The following EFNA5 variants were observed in gnomAD, a reference collection of about 807,000 sequenced individuals.
The protein encoded by EFNA5 is ephrin A5.
A neutral mutation model predicts 22.9 loss-of-function variants in EFNA5; 5 were observed. The observed-to-expected ratio is 0.22, with a 90% CI of 0.11 to 0.46. The LOEUF is 0.46. Among genes scored for constraint, EFNA5 ranks in the 20% least tolerant of loss-of-function variants. The probability of loss-of-function intolerance (pLI) is 0.99; values close to 1 mark genes in which losing one functional copy is unlikely to be tolerated. For synonymous variants in EFNA5, 113 were observed against 112.2 expected (o/e 1.01, Z -0.04); for missense variants, 237 against 293.3 (o/e 0.81, Z 1.40).
intron 2 of EFNA5, among the ~76,000 whole-genome samples, chr5:107,401,247 C>T (rs1580426464): frequency 6.6e-6 from 1 of 152,130 alleles, no homozygotes; most frequent in Admixed American, 6.5e-5. Flanking sequence ...ACATGTCACA[C>T]AAATAGGAAG....
At chr5:107,649,889 CAG>C in intron 1 of EFNA5, among the ~76,000 whole-genome samples, 1 of 152,116 alleles carries the variant, frequency 6.6e-6, no homozygotes, top group Non-Finnish European at 1.5e-5. Context: ...AAAGATGAAA[CAG>C]GGAATGATTA....
chr5:107,562,586 A>G (rs1748574415), intron 1 of EFNA5, among the ~76,000 whole-genome samples: 1 of 152,168 alleles, frequency 6.6e-6, no homozygotes, highest in African/African-American at 2.4e-5. Context: ...AAAAAAAACT[A>G]GAATTAGACA....
rs866065025 is a variant in EFNA5 at position 107,382,991 on chromosome 5, T to A, written c.566-1615A>T. Among the ~76,000 whole-genome samples the A allele has an allele frequency of 2.6e-5, 4 of 152,316 alleles. No homozygotes were observed. In the South Asian group the frequency reaches 6.2e-4, roughly 24 times the overall value. ...ATAAGGGTGCTTTTCCTTCACTGGG[T>A]AGAATCACACTCGCTAATATTTGTC... On this transcript the variant is annotated intron_variant, in intron 4 of 4. Transcript: ENST00000333274.
intron 1 of EFNA5, among the ~76,000 whole-genome samples, chr5:107,571,139 G>T (rs1748794760): frequency 6.6e-6 from 1 of 152,206 alleles, no homozygotes; most frequent in African/African-American, 2.4e-5. Context: ...CTGTGAGCGA[G>T]TGGGGGAAGA....
At chr5:107,655,830 G>A (rs1167253699) in intron 1 of EFNA5, among the ~76,000 whole-genome samples, 1 of 152,062 alleles carries the variant, frequency 6.6e-6, no homozygotes, top group African/African-American at 2.4e-5. Context: ...TGTGTTCCTT[G>A]ACAAATCCTG....
intron 1 of EFNA5, among the ~76,000 whole-genome samples, chr5:107,620,455 G>C (rs1033667352): frequency 2.0e-5 from 3 of 152,170 alleles, no homozygotes. Context: ...CTCCCAATGA[G>C]AGAAGTACCA....
At chr5:107,465,983 TTTTC>T (rs1238284195) in intron 1 of EFNA5, among the ~76,000 whole-genome samples, 1 of 152,070 alleles carries the variant, frequency 6.6e-6, no homozygotes, top group Non-Finnish European at 1.5e-5. Flanking sequence ...GGGTATCTCA[TTTTC>T]AGCTCTCACT....
intron 1 of EFNA5, among the ~76,000 whole-genome samples, chr5:107,469,795 T>C (rs1325131072): frequency 6.6e-6 from 1 of 152,086 alleles, no homozygotes; most frequent in Non-Finnish European, 1.5e-5. Flanking sequence ...AAAACAAACA[T>C]GCACACACAA....
rs1045656170 is a variant in EFNA5, at chr5:107,419,134, G to A, written c.418+8083C>T. Among the ~76,000 whole-genome samples the A allele has an allele frequency of 7.9e-5, 12 of 152,216 alleles. 1 individual carries two copies. In the South Asian group the frequency reaches 1.0e-3, roughly 13 times the overall value. On this transcript the variant is annotated intron_variant, in intron 2 of 4. Coordinates refer to ENST00000333274, the MANE Select transcript of EFNA5 (RefSeq NM_001962.3). The stretch of plus-strand genomic sequence containing the variant: ...ACCTGAGCTGATGCTGCGTATGCAT[G>A]CTCAGAAGGTTAAGAGGGCACCTGG...
At chr5:107,557,844 T>G (rs1294212912) in intron 1 of EFNA5, among the ~76,000 whole-genome samples, 1 of 152,202 alleles carries the variant, frequency 6.6e-6, no homozygotes, top group Admixed American at 6.5e-5. Flanking sequence ...AATAATGATG[T>G]AAATAATGAA....
At chr5:107,548,038 A>C (rs1013406961) in intron 1 of EFNA5, among the ~76,000 whole-genome samples, 1 of 152,234 alleles carries the variant, frequency 6.6e-6, no homozygotes, top group Non-Finnish European at 1.5e-5. Flanking sequence ...ATAATTGTGA[A>C]GAATAAACTA....
At chr5:107,588,341 C>T (rs569638348) in intron 1 of EFNA5, among the ~76,000 whole-genome samples, 5 of 152,032 alleles carry the variant, frequency 3.3e-5, no homozygotes, top group African/African-American at 9.6e-5. Context: ...TGTATCCTTC[C>T]GTCCTGGAAG....
chr5:107,575,969 C>T (rs1748919900), intron 1 of EFNA5, among the ~76,000 whole-genome samples: 1 of 152,140 alleles, frequency 6.6e-6, no homozygotes, highest in Non-Finnish European at 1.5e-5. Flanking sequence ...TATTTAATTT[C>T]TTTTCTGCAA....
intron 1 of EFNA5, among the ~76,000 whole-genome samples, chr5:107,573,074 C>T (rs1323415442): frequency 6.6e-6 from 1 of 152,174 alleles, no homozygotes; most frequent in Non-Finnish European, 1.5e-5. Context: ...GGGTCTTTCC[C>T]TTACTGGCAC....
intron 2 of EFNA5, among the ~76,000 whole-genome samples, chr5:107,411,019 T>C (rs1366146003): frequency 6.6e-6 from 1 of 151,752 alleles, no homozygotes; most frequent in African/African-American, 2.4e-5. Context: ...TTGAGATAAA[T>C]CTTAACTGAA....
At chr5:107,454,933 A>T (rs966395778) in intron 1 of EFNA5, among the ~76,000 whole-genome samples, 3 of 152,210 alleles carry the variant, frequency 2.0e-5, no homozygotes, top group Non-Finnish European at 4.4e-5. Flanking sequence ...TGAAGAGTTG[A>T]AACTGGGTTA....
rs1748655650 is a variant in EFNA5, at chr5:107,421,154, G to A, written c.418+6063C>T. 1.3e-5 allele frequency among the ~76,000 whole-genome samples: 2 copies of A among 152,152 alleles called. 1 individual carries two copies. On this transcript the variant is annotated intron_variant, in intron 2 of 4. Coordinates refer to ENST00000333274, the MANE Select transcript of EFNA5 (RefSeq NM_001962.3). ...TACTTTGTTTTAAAAATTGTACAGT[G>A]AATATTAAAATTGCCTCATGGCTTA...
At chr5:107,607,504 AT>A (rs1171145308) in intron 1 of EFNA5, among the ~76,000 whole-genome samples, 6 of 152,056 alleles carry the variant, frequency 3.9e-5, no homozygotes, top group South Asian at 2.1e-4. Context: ...AACGAATTAT[AT>A]TTTTTTTCAC....
chr5:107,616,516 A>G (rs550092699), intron 1 of EFNA5, among the ~76,000 whole-genome samples: 1 of 152,328 alleles, frequency 6.6e-6, no homozygotes, highest in East Asian at 1.9e-4. Flanking sequence ...GCAGTATAGG[A>G]AATATACATG....
Sources: gnomAD v4.1 joint callset for allele counts (sites outside exome capture counted in the v4.1 genomes callset) on GRCh38, gnomAD v4.1.1 for gene constraint, MANE v1.5 for transcripts, NCBI Gene and HGNC (gene_info 2026-07-23, HGNC 2026-07-21) for gene names.